Variants in RAP1GDS1 observed in about 807,000 individuals in gnomAD.
RAP1GDS1 encodes RAP1, GTP-GDP dissociation stimulator 1.
RAP1GDS1 carries 35 observed loss-of-function variants against 71.1 expected under a neutral mutation model. The observed-to-expected ratio is 0.49, with a 90% CI of 0.38 to 0.65. RAP1GDS1 has a LOEUF of 0.65. Among genes scored for constraint, RAP1GDS1 ranks in the 30% least tolerant of loss-of-function variants. The pLI is 0.00. For missense variants in RAP1GDS1, 663 were observed against 706.1 expected (o/e 0.94, Z 0.69); for synonymous variants, 229 against 243.1 (o/e 0.94, Z 0.54).
At chr4:98,381,495 T>G (rs1480915730) in intron 5 of RAP1GDS1, among the ~76,000 whole-genome samples, 1 of 151,692 alleles carries the variant, frequency 6.6e-6, no homozygotes, top group Admixed American at 6.6e-5. Flanking sequence ...AATTTATGTT[T>G]GAAGACTTAA....
At chr4:98,396,020 G>T in intron 6 of RAP1GDS1, 1 of 157,076 alleles carries the variant, frequency 6.4e-6, no homozygotes, top group South Asian at 2.0e-4. Flanking sequence ...AAGGTGAAGA[G>T]GGAGCAGGCG....
chr4:98,385,539 C>G (rs1376832445), intron 5 of RAP1GDS1, among the ~76,000 whole-genome samples: 1 of 151,686 alleles, frequency 6.6e-6, no homozygotes, highest in Non-Finnish European at 1.5e-5. Flanking sequence ...GGCGCTGAAC[C>G]CAGAAAAGCA....
intron 2 of RAP1GDS1, among the ~76,000 whole-genome samples, chr4:98,325,307 C>T (rs34582003): frequency 1.3e-5 from 2 of 150,876 alleles, no homozygotes; most frequent in Non-Finnish European, 3.0e-5. Flanking sequence ...AATAGGAACA[C>T]TTTTACACTG....
At chr4:98,438,681 C>T (rs940522152) in intron 14 of RAP1GDS1, among the ~76,000 whole-genome samples, 4 of 148,186 alleles carry the variant, frequency 2.7e-5, no homozygotes, top group Non-Finnish European at 5.9e-5. Flanking sequence ...CAACTTCTTC[C>T]TCCAGGGTTC....
At chr4:98,384,807 T>A (rs548440129) in intron 5 of RAP1GDS1, among the ~76,000 whole-genome samples, 1 of 151,818 alleles carries the variant, frequency 6.6e-6, no homozygotes, top group East Asian at 1.9e-4. Flanking sequence ...GTCAGTAATT[T>A]TAGCAGTCTA....
chr4:98,382,955 A>G (rs1198203063), intron 5 of RAP1GDS1, among the ~76,000 whole-genome samples: 2 of 151,580 alleles, frequency 1.3e-5, no homozygotes, highest in African/African-American at 4.8e-5. Context: ...CTGTAATTAA[A>G]AATTTCCCAT....
At chr4:98,427,042 C>A (rs1301299696) in intron 12 of RAP1GDS1, among the ~76,000 whole-genome samples, 3 of 152,076 alleles carry the variant, frequency 2.0e-5, no homozygotes, top group African/African-American at 7.2e-5. Context: ...GGTTTCATAC[C>A]AGGGATGCAG....
At chr4:98,269,983 A>G (rs1723230231) in intron 1 of RAP1GDS1, among the ~76,000 whole-genome samples, 1 of 152,192 alleles carries the variant, frequency 6.6e-6, no homozygotes, top group East Asian at 1.9e-4. Flanking sequence ...TATATAAAGA[A>G]CAGAAATTTA....
chr4:98,424,497 C>G (rs996240429), intron 12 of RAP1GDS1, among the ~76,000 whole-genome samples: 10 of 152,200 alleles, frequency 6.6e-5, no homozygotes, highest in African/African-American at 2.4e-4. Flanking sequence ...TGCGGTGGCT[C>G]ACGCCTGTAA....
chr4:98,409,808 A>G, intron 7 of RAP1GDS1: 1 of 307,610 alleles, frequency 3.3e-6, no homozygotes, highest in Middle Eastern at 1.1e-3. Context: ...TAAAAAGTAT[A>G]TAAAAAATTA....
Position 98,420,287 on chromosome 4 carries a change from A to G in RAP1GDS1, c.1300+143A>G, listed in dbSNP as rs150455167. 1,733 of 590,336 alleles carry G rather than the reference A, an allele frequency of 2.9e-3. 30 individuals carry two copies. In the African/African-American group the frequency reaches 0.031, roughly 11 times the overall value. 36.6% of individuals were successfully genotyped at this position (590,336 alleles called of 1,614,324 possible). On this transcript the variant is annotated intron_variant, in intron 11 of 14. Transcript: ENST00000408927. ...AAAAGATTTAAAAGTTGGTTTTGGA[A>G]CTCCATTTGTTAATTTTTATGCTTG...
chr4:98,412,317 A>G (rs972518954), intron 7 of RAP1GDS1, among the ~76,000 whole-genome samples: 1 of 152,210 alleles, frequency 6.6e-6, no homozygotes, highest in Non-Finnish European at 1.5e-5. Flanking sequence ...GTTCAAGACC[A>G]GCCTAGGCAA....
chr4:98,397,298 T>TGAG (rs1744687234), intron 6 of RAP1GDS1, among the ~76,000 whole-genome samples: 1 of 152,158 alleles, frequency 6.6e-6, no homozygotes, highest in Non-Finnish European at 1.5e-5. Context: ...ATAAACAGAA[T>TGAG]GAGACTTTGC....
chr4:98,406,359 T>C (rs1238931916), intron 7 of RAP1GDS1, among the ~76,000 whole-genome samples: 1 of 151,964 alleles, frequency 6.6e-6, no homozygotes, highest in Non-Finnish European at 1.5e-5. Flanking sequence ...AGAAAAAATA[T>C]ACCAGTGAAA....
intron 11 of RAP1GDS1, among the ~76,000 whole-genome samples, chr4:98,420,940 T>C (rs149222799): frequency 0.015 from 2,282 of 152,294 alleles, 25 homozygotes; most frequent in Middle Eastern, 0.031. Context: ...ATTTCTAAAT[T>C]TTAAACCCTT....
At chr4:98,322,120 C>A (rs996233402) in intron 2 of RAP1GDS1, among the ~76,000 whole-genome samples, 6 of 100,648 alleles carry the variant, frequency 6.0e-5, no homozygotes, top group African/African-American at 2.0e-4. Flanking sequence ...GATTGCAATC[C>A]TAGTCTCTGA....
At chr4:98,421,564 C>T (rs540665391) in intron 12 of RAP1GDS1, among the ~76,000 whole-genome samples, 170 bp downstream of exon 12, 1 of 152,242 alleles carries the variant, frequency 6.6e-6, no homozygotes, top group Non-Finnish European at 1.5e-5. Flanking sequence ...AGGAAACACT[C>T]GGTAAATGGG....
At position 98,298,299 on chromosome 4, in the gene RAP1GDS1, G is replaced by T. The variant is rs372208667; in HGVS notation, c.112+4784G>T. Among the ~76,000 whole-genome samples, 6 of 152,320 alleles carry T rather than the reference G, an allele frequency of 3.9e-5. No individual in the cohort carries two copies. The South Asian group carries it at 1.2e-3, about 32-fold the overall frequency. On this transcript the variant is annotated intron_variant, in intron 2 of 14. Coordinates refer to ENST00000408927, the MANE Select transcript of RAP1GDS1 (RefSeq NM_001100427.2). The stretch of plus-strand genomic sequence containing the variant: ...AATCATTGATGAAGGAGGAGGCTGT[G>T]CTAAACAACAGATTTTCAGTATAGA...
At chr4:98,354,619 A>T (rs1737683416) in intron 4 of RAP1GDS1, among the ~76,000 whole-genome samples, 1 of 152,150 alleles carries the variant, frequency 6.6e-6, no homozygotes, top group South Asian at 2.1e-4. Context: ...CTTTTGATGA[A>T]ACTGAAGTCC....
Sources: allele counts gnomAD v4.1 joint callset (sites outside exome capture counted in the v4.1 genomes callset), GRCh38; gene constraint gnomAD v4.1.1; transcripts MANE v1.5; gene names NCBI Gene and HGNC (gene_info 2026-07-23, HGNC 2026-07-21).